The following ZNF407 variants were observed in gnomAD, a reference collection of about 807,000 sequenced individuals.
ZNF407 encodes zinc finger protein 407.
Under a neutral mutation model 131.2 loss-of-function variants are expected in ZNF407, and 17 were observed. That is an observed-to-expected ratio of 0.13 (90% CI 0.09 to 0.19). The LOEUF (loss-of-function observed/expected upper bound fraction) is 0.19, where lower values mean the gene tolerates loss of function less well. ZNF407 is among the 10% of genes least tolerant of loss of function. ZNF407 has a pLI of 1.00. For synonymous variants in ZNF407, 1,156 were observed against 1,062.0 expected, an observed-to-expected ratio of 1.09 and a Z score of -1.72; for missense variants, 2,681 against 2,830.6, an observed-to-expected ratio of 0.95 and a Z score of 1.20.
At chr18:75,058,054 A>G (rs1236397680) in intron 8 of ZNF407, among the ~76,000 whole-genome samples, 3 of 152,208 alleles carry the variant, frequency 2.0e-5, no homozygotes, top group Non-Finnish European at 2.9e-5. Flanking sequence ...TCAGGTACGC[A>G]GCCCTGTGCT....
intron 6 of ZNF407, among the ~76,000 whole-genome samples, chr18:74,881,742 G>A (rs1045664694): frequency 3.3e-5 from 5 of 152,198 alleles, no homozygotes; most frequent in African/African-American, 1.2e-4. Flanking sequence ...TTTTCTCCAT[G>A]ATGTGCATTC....
chr18:74,598,736 G>A (rs545802332), intron 1 of ZNF407, among the ~76,000 whole-genome samples: 1 of 152,398 alleles, frequency 6.6e-6, no homozygotes, highest in East Asian at 1.9e-4. Context: ...GCGGGCAGCA[G>A]TGGGTTTCTC....
At chr18:74,932,723 TG>T (rs1387012037) in intron 8 of ZNF407, among the ~76,000 whole-genome samples, 5 of 152,228 alleles carry the variant, frequency 3.3e-5, no homozygotes, top group African/African-American at 1.2e-4. Flanking sequence ...TTTTTGTGTA[TG>T]ATGTGATTCT....
chr18:74,835,629 G>GGGGGGT (rs1269272236), intron 4 of ZNF407, among the ~76,000 whole-genome samples: 2 of 92,144 alleles, frequency 2.2e-5, no homozygotes, highest in Non-Finnish European at 4.3e-5. Flanking sequence ...GACAGAGGGG[G>GGGGGGT]GTGTGTGTGT....
intron 4 of ZNF407, among the ~76,000 whole-genome samples, chr18:74,792,788 T>C (rs1234268027): frequency 6.6e-6 from 1 of 152,146 alleles, no homozygotes; most frequent in Non-Finnish European, 1.5e-5. Context: ...AAAACAATTT[T>C]AAAACTTACG....
At chr18:74,876,312 G>C (rs1019447500) in intron 4 of ZNF407, among the ~76,000 whole-genome samples, 9 of 152,102 alleles carry the variant, frequency 5.9e-5, no homozygotes, top group Non-Finnish European at 1.3e-4. Flanking sequence ...GCTTTTGACT[G>C]TTCATTATTC....
chr18:74,905,128 A>G (rs1599232829), intron 7 of ZNF407, among the ~76,000 whole-genome samples: 1 of 152,222 alleles, frequency 6.6e-6, no homozygotes, highest in East Asian at 1.9e-4. Context: ...GCATGACCAC[A>G]GTGATTTGTT....
At chr18:74,827,503 G>C (rs1007789105) in intron 4 of ZNF407, among the ~76,000 whole-genome samples, 1 of 151,374 alleles carries the variant, frequency 6.6e-6, no homozygotes, top group Admixed American at 6.6e-5. Flanking sequence ...TATCATCCCA[G>C]ATTTGGCATA....
At chr18:74,825,132 G>A (rs1037452085) in intron 4 of ZNF407, among the ~76,000 whole-genome samples, 34 of 152,142 alleles carry the variant, frequency 2.2e-4, no homozygotes, top group African/African-American at 8.2e-4. Flanking sequence ...CTCAATAGAT[G>A]CAGAAAAGGC....
chr18:74,715,859 C>CTGCT (rs1318609853), intron 3 of ZNF407, among the ~76,000 whole-genome samples: 1 of 152,146 alleles, frequency 6.6e-6, no homozygotes, highest in African/African-American at 2.4e-5. Flanking sequence ...TTTCAAATAC[C>CTGCT]TGCTTGCTCC....
chr18:74,810,361 T>G (rs1970176948), intron 4 of ZNF407, among the ~76,000 whole-genome samples: 1 of 152,154 alleles, frequency 6.6e-6, no homozygotes, highest in South Asian at 2.1e-4. Flanking sequence ...TTTGCTTTTT[T>G]TTTTTTTAAA....
intron 3 of ZNF407, among the ~76,000 whole-genome samples, chr18:74,780,927 T>C (rs891232550): frequency 3.3e-5 from 5 of 152,190 alleles, no homozygotes; most frequent in Non-Finnish European, 7.4e-5. Context: ...TTTTTTGTGC[T>C]ATAGATACAG....
chr18:74,962,556 C>T (rs950976991), intron 8 of ZNF407, among the ~76,000 whole-genome samples: 1 of 152,258 alleles, frequency 6.6e-6, no homozygotes, highest in Non-Finnish European at 1.5e-5. Flanking sequence ...GCTCATTCCT[C>T]TTCATTCCTT....
intron 3 of ZNF407, among the ~76,000 whole-genome samples, chr18:74,755,430 T>C (rs1461536415): frequency 1.3e-5 from 2 of 152,178 alleles, no homozygotes; most frequent in Non-Finnish European, 2.9e-5. Flanking sequence ...ATGCAGTTTC[T>C]TCCTAGCATC....
At chr18:74,842,992 A>G (rs754957536) in intron 4 of ZNF407, among the ~76,000 whole-genome samples, 2 of 152,166 alleles carry the variant, frequency 1.3e-5, no homozygotes, top group Non-Finnish European at 2.9e-5. Flanking sequence ...CTGGAATTAC[A>G]GGCATGAGCC....
In ZNF407 at chr18:74,763,765, A is replaced by G. The variant is rs1172293666; in HGVS notation, c.4803-17663A>G. On this transcript the variant is annotated intron_variant, in intron 3 of 8. Coordinates refer to ENST00000299687, the MANE Select transcript of ZNF407 (RefSeq NM_017757.3). ...CGCTCTGTCGCCCAGGCTGGAGGGC[A>G]GTGGCGCGATCTCGGCTCACTGCAA... is the stretch of plus-strand genomic sequence containing the variant. Among the ~76,000 whole-genome samples the G allele has an allele frequency of 8.0e-4, 105 of 130,928 alleles. 1 individual carries two copies. The highest frequency in any genetic ancestry group is 9.7e-4 in the Non-Finnish European group (63 of 65,022). The allele number at this position is 130,928 out of a possible 152,430, so 85.9% of individuals were successfully genotyped here.
chr18:74,623,217 T>C (rs1016387195), intron 1 of ZNF407, among the ~76,000 whole-genome samples: 18 of 151,836 alleles, frequency 1.2e-4, no homozygotes, highest in African/African-American at 4.4e-4. Flanking sequence ...AATATGTGAC[T>C]GCGTGTGTGA....
At chr18:75,010,518 G>C (rs113464887) in intron 8 of ZNF407, among the ~76,000 whole-genome samples, 8 of 152,272 alleles carry the variant, frequency 5.3e-5, no homozygotes, top group African/African-American at 1.9e-4. Flanking sequence ...GCATATGCCA[G>C]GCACGTTATT....
intron 4 of ZNF407, among the ~76,000 whole-genome samples, chr18:74,830,425 G>A (rs900174821): frequency 2.0e-5 from 3 of 152,076 alleles, no homozygotes; most frequent in Non-Finnish European, 4.4e-5. Flanking sequence ...TGTGACTACA[G>A]GACCACGCCA....
Sources: allele counts gnomAD v4.1 joint callset (sites outside exome capture counted in the v4.1 genomes callset), GRCh38; gene constraint gnomAD v4.1.1; transcripts MANE v1.5; gene names NCBI Gene and HGNC (gene_info 2026-07-23, HGNC 2026-07-21).